ASCC3: variants seen among roughly 807,000 people sequenced by gnomAD.
ASCC3 encodes ASC-1 complex subunit P200.
Under a neutral mutation model 256.3 loss-of-function variants are expected in ASCC3, and 158 were observed. The observed-to-expected ratio is 0.62, with a 90% CI of 0.54 to 0.70. ASCC3 has a LOEUF of 0.70. Among genes scored for constraint, ASCC3 ranks in the 30% least tolerant of loss-of-function variants. The pLI, the probability that ASCC3 is intolerant of heterozygous loss-of-function variation, is 0.00. For missense variants in ASCC3, 2,259 were observed against 2,626.0 expected (o/e 0.86, Z 3.05); for synonymous variants, 948 against 883.4 (o/e 1.07, Z -1.30).
Position 100,661,983 on chromosome 6 carries a change from T to C in ASCC3, c.2526A>G (p.Gly842=). 6.2e-7 allele frequency: 1 copy of C among 1,613,336 alleles called. No homozygotes were observed. The highest frequency in any genetic ancestry group is 8.5e-7 in the Non-Finnish European group (1 of 1,179,474). Reference sequence around the variant, plus strand: ...CAAATATCTGCATGACATCTAAAATTCCAAGGTCAACAAAGGAGCCTCTTT... The same window carrying C: ...CAAATATCTGCATGACATCTAAAATCCCAAGGTCAACAAAGGAGCCTCTTT... ...AAKRGSFVDL[G]ILDVMQIFGR... is the part of the protein sequence containing the mutation. The change falls in exon 16 of 42, where the codon GGA becomes GGG. Residue 842 remains glycine, a synonymous_variant. Transcript: ENST00000369162.
At chr6:100,694,140 T>C (rs796561613) in intron 13 of ASCC3, among the ~76,000 whole-genome samples, 6 of 151,900 alleles carry the variant, frequency 3.9e-5, no homozygotes, top group African/African-American at 1.2e-4. Context: ...CTGAATAATA[T>C]TTTTGGGAAA....
intron 37 of ASCC3, among the ~76,000 whole-genome samples, chr6:100,518,833 A>G (rs147788590): frequency 6.6e-6 from 1 of 152,298 alleles, no homozygotes; most frequent in East Asian, 1.9e-4. Context: ...ATTTCAATTA[A>G]ATTAGATTCT....
chr6:100,617,145 C>T (rs900358561), intron 30 of ASCC3, among the ~76,000 whole-genome samples: 11 of 152,220 alleles, frequency 7.2e-5, no homozygotes, highest in Admixed American at 5.2e-4. Flanking sequence ...GCTGGGATTA[C>T]AGGCACATGC....
At chr6:100,794,858 T>C (rs1480439560) in intron 8 of ASCC3, among the ~76,000 whole-genome samples, 1 of 152,080 alleles carries the variant, frequency 6.6e-6, no homozygotes, top group African/African-American at 2.4e-5. Flanking sequence ...ACTGTGGAAA[T>C]AGACAGAAGT....
At chr6:100,550,785 T>A (rs1245867678) in intron 36 of ASCC3, among the ~76,000 whole-genome samples, 1 of 151,956 alleles carries the variant, frequency 6.6e-6, no homozygotes, top group East Asian at 1.9e-4. Context: ...TTTATGTGAT[T>A]TATTGCATTA....
At chr6:100,536,723 C>T (rs905811530) in intron 37 of ASCC3, among the ~76,000 whole-genome samples, 2 of 152,138 alleles carry the variant, frequency 1.3e-5, no homozygotes, top group Non-Finnish European at 2.9e-5. Flanking sequence ...GTCTTGGCCT[C>T]CCAAAGTGCT....
At chr6:100,877,430 T>C (rs1299152068) in intron 1 of ASCC3, among the ~76,000 whole-genome samples, 1 of 152,236 alleles carries the variant, frequency 6.6e-6, no homozygotes, top group Non-Finnish European at 1.5e-5. Context: ...AGAATATTTA[T>C]ATTTTATTGT....
chr6:100,728,752 C>A (rs941255809), intron 10 of ASCC3, among the ~76,000 whole-genome samples: 1 of 152,110 alleles, frequency 6.6e-6, no homozygotes, highest in African/African-American at 2.4e-5. Context: ...TTTTTACCTT[C>A]TCCTTTCCCA....
At chr6:100,561,938 T>A (rs372580885) in intron 36 of ASCC3, among the ~76,000 whole-genome samples, 1 of 152,106 alleles carries the variant, frequency 6.6e-6, no homozygotes, top group Admixed American at 6.6e-5. Flanking sequence ...TCTGGCAAAT[T>A]GCATTATTTT....
At chr6:100,832,425 T>C (rs1303093106) in intron 4 of ASCC3, among the ~76,000 whole-genome samples, 1 of 152,082 alleles carries the variant, frequency 6.6e-6, no homozygotes, top group Non-Finnish European at 1.5e-5. Context: ...TTAGCACCCA[T>C]TGAACCTCTC....
chr6:100,798,941 CAAAGCACTGGTAAAT>C (rs1219260126), intron 7 of ASCC3, 103 bp from the exon 8 acceptor site: 6 of 1,059,380 alleles, frequency 5.7e-6, no homozygotes, highest in Non-Finnish European at 6.9e-6. Context: ...GGTTTTATAA[CAAAGCACTGGTAAAT>C]AAACTTAGCT....
intron 4 of ASCC3, among the ~76,000 whole-genome samples, chr6:100,806,749 T>G (rs1389652778): frequency 6.6e-6 from 1 of 151,930 alleles, no homozygotes; most frequent in African/African-American, 2.4e-5. Context: ...TTTTTGCTGT[T>G]CATTTTACTG....
intron 8 of ASCC3, among the ~76,000 whole-genome samples, chr6:100,769,795 TAAG>T (rs1282579386): frequency 6.6e-6 from 1 of 151,714 alleles, no homozygotes; most frequent in Non-Finnish European, 1.5e-5. Flanking sequence ...AAAAGAATAG[TAAG>T]AAAATATAAT....
Position 100,607,060 on chromosome 6 carries a change from T to A in ASCC3, c.4814A>T (p.Asp1605Val). The change falls in exon 31 of 42, where the codon GAT (aspartate) becomes GTT (valine). Residue 1605 changes from aspartate (D) to valine (V), a missense_variant. By Grantham distance (152) the Asp-to-Val change is radical. This residue lies in a region of ASCC3 where 1,839 missense variants were observed against 2,206.7 expected (regional missense o/e 0.83). Coordinates refer to ENST00000369162, the MANE Select transcript of ASCC3 (RefSeq NM_006828.4). Reference protein sequence around the residue: ...EMENIIATVRDSNLKLTLAFG... With the variant: ...EMENIIATVRVSNLKLTLAFG... ...AGCAAGGGTCAGCTTGAGGTTGGAATCTCTTACTGTTGCAATGATGTTCTC... is the reference window on the plus strand; with the variant it reads ...AGCAAGGGTCAGCTTGAGGTTGGAAACTCTTACTGTTGCAATGATGTTCTC... 6.2e-7 allele frequency: 1 copy of A among 1,613,700 alleles called. No individual in the cohort carries two copies. The highest frequency in any genetic ancestry group is 8.5e-7 in the Non-Finnish European group (1 of 1,179,798).
chr6:100,549,196 G>A (rs533779038), intron 36 of ASCC3, among the ~76,000 whole-genome samples: 194 of 151,926 alleles, frequency 1.3e-3, no homozygotes, highest in Non-Finnish European at 2.2e-3. Context: ...GAAAAATGTT[G>A]TGCAAAAATA....
At chr6:100,758,487 T>G (rs182222198) in intron 10 of ASCC3, among the ~76,000 whole-genome samples, 6 of 152,080 alleles carry the variant, frequency 3.9e-5, no homozygotes, top group Admixed American at 2.6e-4. Context: ...CAACATGCAG[T>G]GTTTGGTTTT....
intron 39 of ASCC3, among the ~76,000 whole-genome samples, chr6:100,515,842 C>T (rs940078306): frequency 7.2e-5 from 11 of 152,242 alleles, no homozygotes; most frequent in African/African-American, 1.4e-4. Flanking sequence ...TGAGGCTTTT[C>T]GCAGCCAGCT....
intron 14 of ASCC3, among the ~76,000 whole-genome samples, chr6:100,670,574 C>G (rs77642814): frequency 1.2e-4 from 15 of 126,320 alleles, no homozygotes; most frequent in East Asian, 5.6e-4. Context: ...TTCCCCCCCC[C>G]CAAATTCTTT....
chr6:100,843,771 A>C (rs1469596259), intron 4 of ASCC3, among the ~76,000 whole-genome samples: 1 of 152,120 alleles, frequency 6.6e-6, no homozygotes, highest in African/African-American at 2.4e-5. Context: ...AAAATAACTA[A>C]ATAAGTCCCT....
Sources: allele counts gnomAD v4.1 joint callset (sites outside exome capture counted in the v4.1 genomes callset), GRCh38; gene constraint gnomAD v4.1.1; regional missense constraint gnomAD v4.1.1; transcripts MANE v1.5; gene names NCBI Gene and HGNC (gene_info 2026-07-23, HGNC 2026-07-21).